The following DLG2 variants were observed in gnomAD, a reference collection of about 807,000 sequenced individuals.
DLG2 encodes the protein disks large homolog 2.
Under a neutral mutation model 132.5 loss-of-function variants are expected in DLG2, and 45 were observed. The observed-to-expected ratio is 0.34, with a 90% CI of 0.27 to 0.44. The LOEUF (loss-of-function observed/expected upper bound fraction) is 0.44. Among genes scored for constraint, DLG2 ranks in the 20% least tolerant of loss-of-function variants. The pLI is 1.00. For missense variants in DLG2, 1,045 were observed against 1,196.9 expected (o/e 0.87, Z 1.87); for synonymous variants, 424 against 419.6 (o/e 1.01, Z -0.13).
chr11:83,638,635 A>G (rs2065494668), intron 18 of DLG2, among the ~76,000 whole-genome samples: 1 of 152,008 alleles, frequency 6.6e-6, no homozygotes, highest in African/African-American at 2.4e-5. Flanking sequence ...GCCTCCCTCT[A>G]CTTGTTATGA....
chr11:84,768,853 T>C (rs1214170971), intron 6 of DLG2, among the ~76,000 whole-genome samples: 1 of 151,940 alleles, frequency 6.6e-6, no homozygotes, highest in Non-Finnish European at 1.5e-5. Flanking sequence ...CCCAGAAATC[T>C]CTCTCTAGGC....
intron 6 of DLG2, among the ~76,000 whole-genome samples, chr11:84,883,055 A>G (rs190264479): frequency 8.8e-4 from 134 of 152,296 alleles, no homozygotes; most frequent in Non-Finnish European, 1.5e-3. Flanking sequence ...ACTTGGAACC[A>G]ACCCAAATGC....
At chr11:84,047,313 A>G (rs923117967) in intron 11 of DLG2, among the ~76,000 whole-genome samples, 10 of 151,824 alleles carry the variant, frequency 6.6e-5, no homozygotes, top group African/African-American at 2.4e-4. Context: ...AAAGTAAACA[A>G]AAAGAAGAAC....
intron 18 of DLG2, among the ~76,000 whole-genome samples, chr11:83,784,899 T>C (rs1261001235): frequency 1.3e-5 from 2 of 152,180 alleles, no homozygotes; most frequent in Non-Finnish European, 2.9e-5. Context: ...TATGTTGCAA[T>C]GTCAGGCGAT....
At chr11:85,021,848 A>C (rs1201077783) in intron 6 of DLG2, among the ~76,000 whole-genome samples, 1 of 152,146 alleles carries the variant, frequency 6.6e-6, no homozygotes, top group East Asian at 1.9e-4. Context: ...ACAAAAAGAA[A>C]ATTTGCCTTC....
At chr11:84,916,120 C>T (rs1034942681) in intron 6 of DLG2, among the ~76,000 whole-genome samples, 10 of 151,512 alleles carry the variant, frequency 6.6e-5, no homozygotes, top group Non-Finnish European at 1.2e-4. Flanking sequence ...CCGAGGCGGG[C>T]GGATCACGAG....
intron 6 of DLG2, among the ~76,000 whole-genome samples, chr11:85,101,911 T>C (rs139614273): frequency 6.6e-6 from 1 of 152,052 alleles, no homozygotes; most frequent in Admixed American, 6.6e-5. Flanking sequence ...TGTAACCCTC[T>C]TTATACAGTG....
At chr11:85,052,514 A>G (rs1400024945) in intron 6 of DLG2, among the ~76,000 whole-genome samples, 1 of 152,242 alleles carries the variant, frequency 6.6e-6, no homozygotes, top group Non-Finnish European at 1.5e-5. Flanking sequence ...CAACATAAGC[A>G]AAACAGAAAC....
chr11:85,502,520 A>C (rs1446257455), intron 3 of DLG2, among the ~76,000 whole-genome samples: 2 of 152,158 alleles, frequency 1.3e-5, no homozygotes, highest in Non-Finnish European at 2.9e-5. Context: ...TGAAGGTGGA[A>C]GCCATCATTC....
intron 3 of DLG2, among the ~76,000 whole-genome samples, chr11:85,387,956 A>T (rs2086485066): frequency 6.6e-6 from 1 of 152,164 alleles, no homozygotes; most frequent in Non-Finnish European, 1.5e-5. Flanking sequence ...AGACCATTTG[A>T]AGGAGGTGGA....
At chr11:84,505,118 T>C (rs2099235136) in intron 7 of DLG2, among the ~76,000 whole-genome samples, 1 of 152,162 alleles carries the variant, frequency 6.6e-6, no homozygotes, top group African/African-American at 2.4e-5. Flanking sequence ...ACCTCAGTTA[T>C]GACCCTGGTG....
chr11:84,154,416 G>A (rs1441609231), intron 9 of DLG2, among the ~76,000 whole-genome samples: 1 of 152,116 alleles, frequency 6.6e-6, no homozygotes, highest in Non-Finnish European at 1.5e-5. Flanking sequence ...CCATCCCCTT[G>A]AGCTGCCAAT....
intron 18 of DLG2, among the ~76,000 whole-genome samples, chr11:83,673,549 G>A (rs965958930): frequency 6.6e-6 from 1 of 152,190 alleles, no homozygotes; most frequent in Admixed American, 6.5e-5. Context: ...GTTGATGGTA[G>A]AAGGCCCACT....
At chr11:83,709,019 G>T (rs185460418) in intron 18 of DLG2, among the ~76,000 whole-genome samples, 3 of 152,184 alleles carry the variant, frequency 2.0e-5, no homozygotes, top group African/African-American at 7.2e-5. Context: ...TTTATTAGGG[G>T]AACAAGCAGA....
intron 18 of DLG2, among the ~76,000 whole-genome samples, chr11:83,775,106 C>G (rs947945518): frequency 6.6e-6 from 1 of 152,198 alleles, no homozygotes; most frequent in Non-Finnish European, 1.5e-5. Context: ...CCGCTACTGT[C>G]GGACTCCGTT....
intron 6 of DLG2, chr11:84,720,689 A>T (rs1473295673): frequency 6.5e-6 from 1 of 155,014 alleles, no homozygotes; most frequent in Non-Finnish European, 1.4e-5. Flanking sequence ...AAATAAAAAT[A>T]AACCATAAAA....
intron 18 of DLG2, among the ~76,000 whole-genome samples, chr11:83,689,584 T>C (rs1285188560): frequency 6.6e-6 from 1 of 152,130 alleles, no homozygotes; most frequent in Non-Finnish European, 1.5e-5. Context: ...GATAATATTA[T>C]CTAGTTCATA....
chr11:84,996,764 G>T (rs778499783), intron 6 of DLG2, among the ~76,000 whole-genome samples: 2 of 152,120 alleles, frequency 1.3e-5, no homozygotes, highest in African/African-American at 4.8e-5. Context: ...ACATGGACTT[G>T]GTTGTACCTT....
At chr11:83,476,354 G>A (rs1012758898) in intron 22 of DLG2, among the ~76,000 whole-genome samples, 2 of 152,070 alleles carry the variant, frequency 1.3e-5, no homozygotes, top group Admixed American at 6.6e-5. Flanking sequence ...CATGGCCTTA[G>A]AATACTTTTC....
Sources: allele counts gnomAD v4.1 joint callset (sites outside exome capture counted in the v4.1 genomes callset), GRCh38; gene constraint gnomAD v4.1.1; transcripts MANE v1.5; gene names NCBI Gene and HGNC (gene_info 2026-07-23, HGNC 2026-07-21).